The following DCDC1 variants were observed in gnomAD, a reference collection of about 807,000 sequenced individuals.
DCDC1 encodes doublecortin domain containing 1.
Under a neutral mutation model 178.3 loss-of-function variants are expected in DCDC1, and 200 were observed. The observed-to-expected ratio is 1.12, with a 90% confidence interval of 1.00 to 1.26. The LOEUF (loss-of-function observed/expected upper bound fraction) is 1.26. Ranked by LOEUF, DCDC1 falls within the 50% of genes most tolerant of loss-of-function variation. The probability of loss-of-function intolerance (pLI) is 0.00; values close to 1 mark genes in which losing one functional copy is unlikely to be tolerated. For synonymous variants in DCDC1, 690 were observed against 604.8 expected, an observed-to-expected ratio of 1.14 and a Z score of -2.07; for missense variants, 1,983 against 1,749.2, an observed-to-expected ratio of 1.13 and a Z score of -2.38.
At chr11:31,354,840 T>C (rs1951249827) in intron 1 of DCDC1, among the ~76,000 whole-genome samples, 1 of 152,310 alleles carries the variant, frequency 6.6e-6, no homozygotes, top group South Asian at 2.1e-4. Flanking sequence ...GTCAGGAATC[T>C]TGGCTTACTT....
At chr11:31,340,972 G>C (rs2133210659) in intron 1 of DCDC1, among the ~76,000 whole-genome samples, 1 of 152,244 alleles carries the variant, frequency 6.6e-6, no homozygotes, top group Middle Eastern at 3.4e-3. Flanking sequence ...TGGATCCATG[G>C]AACTTGAGGT....
At chr11:30,973,090 G>A (rs575743890) in intron 20 of DCDC1, among the ~76,000 whole-genome samples, 2 of 151,906 alleles carry the variant, frequency 1.3e-5, no homozygotes, top group Admixed American at 1.3e-4. Flanking sequence ...TGGGCAACAT[G>A]GCAAAACCCC....
intron 23 of DCDC1, among the ~76,000 whole-genome samples, chr11:30,925,023 A>C (rs1173425055): frequency 6.6e-6 from 1 of 151,988 alleles, no homozygotes; most frequent in Non-Finnish European, 1.5e-5. Context: ...CAGTGAGCCA[A>C]GACTGCGCCA....
chr11:30,931,892 T>C lies in DCDC1; in HGVS notation c.2776A>G (p.Ile926Val). 1 of 1,613,180 alleles carries C rather than the reference T, an allele frequency of 6.2e-7. No homozygotes were observed. Among genetic ancestry groups the C allele is most frequent in the Non-Finnish European group, 8.5e-7 (1 of 1,179,426 alleles). The change falls in exon 22 of 39, where the codon ATC becomes GTC. Residue 926 changes from isoleucine to valine, a missense_variant. Ile to Val is a conservative substitution (Grantham distance 29). Transcript: ENST00000684477. The part of the protein sequence containing the change: ...VPSSPPMKKP[I>V]CKTTEPYAPV... ...GCATATGGCTCTGTTGTCTTACAGA[T>C]GGGTTTCTTCATGGGAGGACTGCTC...
chr11:31,232,657 T>C (rs1360861504), intron 9 of DCDC1, among the ~76,000 whole-genome samples: 1 of 152,174 alleles, frequency 6.6e-6, no homozygotes, highest in African/African-American at 2.4e-5. Context: ...AAGATAGGCT[T>C]TAGTGCCATT....
In DCDC1 at chr11:31,007,953, G is replaced by A. The variant is rs552001335; in HGVS notation, c.2592-55385C>T. ...GTTGGGATTACAGGTGTGAGCCACC[G>A]TGCCCAGCTACCTCTAGTAGGCTTT... On this transcript the variant is annotated intron_variant, in intron 20 of 38. Coordinates refer to ENST00000684477, the MANE Select transcript of DCDC1 (RefSeq NM_001387274.1). 8.5e-5 allele frequency among the ~76,000 whole-genome samples: 13 copies of A among 152,208 alleles called. No homozygotes were observed. The South Asian group carries it at 1.0e-3, about 12-fold the overall frequency.
intron 20 of DCDC1, among the ~76,000 whole-genome samples, chr11:31,007,386 A>T (rs1376788015): frequency 6.6e-6 from 1 of 152,204 alleles, no homozygotes; most frequent in Non-Finnish European, 1.5e-5. Flanking sequence ...CCATTGAAGC[A>T]TGATGAGTGA....
At chr11:31,010,050 T>C (rs563040217) in intron 20 of DCDC1, among the ~76,000 whole-genome samples, 93 of 152,306 alleles carry the variant, frequency 6.1e-4, no homozygotes, top group Middle Eastern at 3.4e-3. Context: ...AAACTATAAT[T>C]CAAGATGAGA....
chr11:31,288,896 AG>A (rs1947025901), intron 7 of DCDC1, among the ~76,000 whole-genome samples: 1 of 151,872 alleles, frequency 6.6e-6, no homozygotes, highest in African/African-American at 2.4e-5. Context: ...TTGACACCCA[AG>A]ATCAGCATTT....
intron 20 of DCDC1, among the ~76,000 whole-genome samples, chr11:30,983,982 C>A (rs1461180810): frequency 6.6e-6 from 1 of 152,168 alleles, no homozygotes; most frequent in Non-Finnish European, 1.5e-5. Flanking sequence ...AGACTGGGTT[C>A]TCCTTTATAT....
At chr11:31,114,180 C>G (rs974825285) in intron 11 of DCDC1, among the ~76,000 whole-genome samples, 1 of 152,152 alleles carries the variant, frequency 6.6e-6, no homozygotes, top group East Asian at 1.9e-4. Flanking sequence ...ATCCCTAATT[C>G]AATTTCTCCT....
At chr11:31,346,665 G>A (rs1950833077) in intron 1 of DCDC1, among the ~76,000 whole-genome samples, 1 of 152,002 alleles carries the variant, frequency 6.6e-6, no homozygotes, top group South Asian at 2.1e-4. Flanking sequence ...TGAATAAATG[G>A]TACTACCATG....
At chr11:31,177,723 A>G (rs1377783906) in intron 9 of DCDC1, among the ~76,000 whole-genome samples, 1 of 152,216 alleles carries the variant, frequency 6.6e-6, no homozygotes, top group Non-Finnish European at 1.5e-5. Flanking sequence ...AAGAGTAGAC[A>G]TTCTTATACC....
At chr11:30,869,846 T>C (rs539610793) in intron 38 of DCDC1, among the ~76,000 whole-genome samples, 2 of 152,240 alleles carry the variant, frequency 1.3e-5, no homozygotes, top group African/African-American at 4.8e-5. Flanking sequence ...GAGTTTGTCC[T>C]GCATTTTGAT....
chr11:31,254,456 A>G (rs974336683), intron 8 of DCDC1, among the ~76,000 whole-genome samples: 4 of 152,228 alleles, frequency 2.6e-5, no homozygotes, highest in South Asian at 4.1e-4. Context: ...CTGACAATAC[A>G]AAGGATTAAG....
At chr11:31,166,196 A>G (rs1966771998) in intron 9 of DCDC1, among the ~76,000 whole-genome samples, 1 of 152,182 alleles carries the variant, frequency 6.6e-6, no homozygotes, top group Non-Finnish European at 1.5e-5. Context: ...GTTCTATATT[A>G]TTAGCAATTC....
At chr11:30,999,751 T>C (rs114571784) in intron 20 of DCDC1, among the ~76,000 whole-genome samples, 1,548 of 152,266 alleles carry the variant, frequency 0.01, 29 homozygotes, top group African/African-American at 0.035. Context: ...GGGGAGAGCT[T>C]ATATTTTTAA....
chr11:30,911,921 C>A (rs1234537340), intron 27 of DCDC1, among the ~76,000 whole-genome samples: 2 of 152,064 alleles, frequency 1.3e-5, no homozygotes, highest in Non-Finnish European at 2.9e-5. Flanking sequence ...GTTTGAATGC[C>A]CCTCCAAAAC....
intron 25 of DCDC1, among the ~76,000 whole-genome samples, chr11:30,920,414 CTG>C (rs1299632861): frequency 4.6e-5 from 7 of 152,136 alleles, no homozygotes; most frequent in Admixed American, 3.3e-4. Flanking sequence ...AGAAAGATAA[CTG>C]TATATTAACA....
Sources: gnomAD v4.1 joint callset for allele counts (sites outside exome capture counted in the v4.1 genomes callset) on GRCh38, gnomAD v4.1.1 for gene constraint, MANE v1.5 for transcripts, NCBI Gene and HGNC (gene_info 2026-07-23, HGNC 2026-07-21) for gene names.